The following JARID2 variants were observed in gnomAD, a reference collection of about 807,000 sequenced individuals.
JARID2 encodes the protein jumonji and AT-rich interaction domain containing 2, also known as protein Jumonji.
In JARID2, 21 loss-of-function variants were observed where a neutral mutation model predicts 125.6. The observed-to-expected ratio is 0.17, with a 90% confidence interval of 0.12 to 0.24. The LOEUF is 0.24. Among genes scored for constraint, JARID2 ranks in the 10% least tolerant of loss-of-function variants. The pLI, the probability that JARID2 is intolerant of heterozygous loss-of-function variation, is 1.00. For synonymous variants in JARID2, 736 were observed against 661.6 expected (o/e 1.11, Z -1.73); for missense variants, 1,303 against 1,639.6 (o/e 0.79, Z 3.55).
intron 1 of JARID2, among the ~76,000 whole-genome samples, chr6:15,300,683 T>TTGTG (rs35433395): frequency 0.041 from 4,619 of 113,954 alleles, 113 homozygotes; most frequent in Non-Finnish European, 0.048. Context: ...TGTCCTCATG[T>TTGTG]TGTGTGTGTG....
intron 1 of JARID2, among the ~76,000 whole-genome samples, chr6:15,319,260 C>A (rs1238648014): frequency 2.0e-5 from 3 of 152,006 alleles, no homozygotes; most frequent in African/African-American, 7.3e-5. Context: ...AGTTGGTGGA[C>A]CAATGAGAAG....
intron 2 of JARID2, among the ~76,000 whole-genome samples, chr6:15,389,565 G>A (rs932489510): frequency 6.6e-6 from 1 of 152,222 alleles, no homozygotes; most frequent in Non-Finnish European, 1.5e-5. Flanking sequence ...AGATGACTTT[G>A]TTCCTAGTGT....
intron 1 of JARID2, among the ~76,000 whole-genome samples, chr6:15,324,010 GTC>G (rs1170501835): frequency 6.7e-6 from 1 of 149,608 alleles, no homozygotes; most frequent in African/African-American, 2.5e-5. Context: ...GTGAAACCCT[GTC>G]TCTACTAAAA....
chr6:15,340,204 C>CA (rs1354923859), intron 1 of JARID2, among the ~76,000 whole-genome samples: 12 of 152,184 alleles, frequency 7.9e-5, no homozygotes, highest in African/African-American at 2.7e-4. Flanking sequence ...TATTAAAGAA[C>CA]AAGGGCCAAG....
intron 1 of JARID2, among the ~76,000 whole-genome samples, chr6:15,283,792 A>G (rs1160075741): frequency 4.4e-5 from 6 of 135,604 alleles, no homozygotes; most frequent in East Asian, 2.1e-4. Context: ...TGCAAGCTCC[A>G]CCTCCTGGGT....
intron 4 of JARID2, among the ~76,000 whole-genome samples, chr6:15,465,454 C>T (rs1450397621): frequency 1.3e-5 from 2 of 151,640 alleles, no homozygotes; most frequent in African/African-American, 4.8e-5. Flanking sequence ...TTGTCTCAAA[C>T]AATATCTTAT....
At chr6:15,250,542 G>C (rs1180445977) in intron 1 of JARID2, among the ~76,000 whole-genome samples, 5 of 152,048 alleles carry the variant, frequency 3.3e-5, no homozygotes, top group Non-Finnish European at 1.5e-5. Flanking sequence ...CACTGTACAG[G>C]GACAGTATGG....
chr6:15,440,039 G>C (rs370010490), intron 3 of JARID2, among the ~76,000 whole-genome samples: 4 of 152,222 alleles, frequency 2.6e-5, no homozygotes, highest in East Asian at 3.8e-4. Context: ...AAGACCCCTT[G>C]TGAATCAGAG....
intron 4 of JARID2, among the ~76,000 whole-genome samples, chr6:15,457,309 C>T (rs1257936035): frequency 6.6e-6 from 1 of 152,158 alleles, no homozygotes; most frequent in Non-Finnish European, 1.5e-5. Context: ...CCCTTTCAGG[C>T]AAAGTTGACA....
intron 2 of JARID2, among the ~76,000 whole-genome samples, chr6:15,392,504 G>A (rs959240114): frequency 1.3e-5 from 2 of 152,098 alleles, no homozygotes; most frequent in African/African-American, 4.8e-5. Context: ...GGACGACAGA[G>A]GGATGAGGGA....
At position 15,268,634 on chromosome 6, in the gene JARID2, A is replaced by G. The variant is rs181547104; in HGVS notation, c.45+22050A>G. 2.9e-3 allele frequency among the ~76,000 whole-genome samples: 447 copies of G among 152,274 alleles called. 2 individuals are homozygous for G. Among genetic ancestry groups the G allele is most frequent in the African/African-American group, 9.5e-3 (395 of 41,546 alleles). ...GAAGGCCTCTGGGACTTGAACACAA[A>G]AAAGGGAGCTTTTTGCAGCTCTTTC... On this transcript the variant is annotated intron_variant, in intron 1 of 17. Transcript: ENST00000341776.
At chr6:15,401,154 C>A in intron 2 of JARID2, 34 of 807,328 alleles carry the variant, frequency 4.2e-5, no homozygotes, top group Non-Finnish European at 5.0e-5. Flanking sequence ...TGGCAAGGTG[C>A]TATATATATA....
At position 15,520,493 on chromosome 6, in the gene JARID2, G is replaced by T. The variant is rs761615549; in HGVS notation, c.*242G>T. ...GTATAGTCACTGTTTTAAAAACCCC[G>T]GAGGGGCTGTATTAATTTGTATTGC... On this transcript the variant is annotated 3_prime_UTR_variant, in exon 18 of 18. Transcript: ENST00000341776. 2 of 413,464 alleles carry T rather than the reference G, an allele frequency of 4.8e-6. No individual in the cohort carries two copies. Among genetic ancestry groups the T allele is most frequent in the East Asian group, 8.8e-5 (2 of 22,826 alleles). 25.6% of individuals were successfully genotyped at this position (413,464 alleles called of 1,614,324 possible).
intron 1 of JARID2, among the ~76,000 whole-genome samples, chr6:15,353,586 A>G (rs948726070): frequency 2.0e-5 from 3 of 152,164 alleles, no homozygotes; most frequent in Non-Finnish European, 4.4e-5. Context: ...TTCTAGTAAT[A>G]AGCTGCTGGC....
intron 1 of JARID2, among the ~76,000 whole-genome samples, chr6:15,331,336 A>C (rs1389398935): frequency 5.1e-5 from 5 of 97,990 alleles, no homozygotes; most frequent in Admixed American, 2.6e-4. Context: ...ATCCTGCCTC[A>C]AAAAAAACAA....
At chr6:15,381,040 T>G (rs572481137) in intron 2 of JARID2, among the ~76,000 whole-genome samples, 135 of 152,022 alleles carry the variant, frequency 8.9e-4, no homozygotes, top group African/African-American at 3.1e-3. Context: ...TTATTTATTA[T>G]TATTATTTTC....
At chr6:15,509,500 A>G (rs1771172349) in intron 12 of JARID2, 2 of 297,856 alleles carry the variant, frequency 6.7e-6, no homozygotes, top group South Asian at 1.3e-4. Flanking sequence ...GACGGTGATC[A>G]TGGTGTCCTG....
Position 15,383,956 on chromosome 6 carries a change from G to A in JARID2, c.181+9704G>A, listed in dbSNP as rs1402757795. ...ATTACAGGCATGCGCCAAGACGCCC[G>A]GCTAATTTTGTATTTTTAGTAGAGA... On this transcript the variant is annotated intron_variant, in intron 2 of 17. Coordinates refer to ENST00000341776, the MANE Select transcript of JARID2 (RefSeq NM_004973.4). Among the ~76,000 whole-genome samples the A allele has an allele frequency of 5.9e-5, 9 of 152,122 alleles. No individual in the cohort carries two copies. The East Asian group carries it at 7.7e-4, about 13-fold the overall frequency.
intron 1 of JARID2, among the ~76,000 whole-genome samples, chr6:15,285,813 A>C (rs1760977014): frequency 1.3e-5 from 2 of 152,178 alleles, no homozygotes; most frequent in African/African-American, 4.8e-5. Flanking sequence ...TCTTGCAATA[A>C]AAGAATTTGG....
Sources: allele counts gnomAD v4.1 joint callset (sites outside exome capture counted in the v4.1 genomes callset), GRCh38; gene constraint gnomAD v4.1.1; transcripts MANE v1.5; gene names NCBI Gene and HGNC (gene_info 2026-07-23, HGNC 2026-07-21).